ZNF627: variants seen among roughly 807,000 people sequenced by gnomAD.
ZNF627 encodes the protein zinc finger protein 627.
In ZNF627, 12 loss-of-function variants were observed where a neutral mutation model predicts 10.6. The ratio of observed to expected loss-of-function variants is 1.13; its 90% confidence interval spans 0.73 to 1.84. The LOEUF (loss-of-function observed/expected upper bound fraction) is 1.84, where lower values mean the gene tolerates loss of function less well. ZNF627 is among the 40% of genes most tolerant of loss of function. The probability of loss-of-function intolerance (pLI) is 0.00; values close to 1 mark genes in which losing one functional copy is unlikely to be tolerated. For synonymous variants in ZNF627, 176 were observed against 187.1 expected (o/e 0.94, Z 0.48); for missense variants, 504 against 568.4 (o/e 0.89, Z 1.15).
chr19:11,613,992 G>A (rs1973823460), intron 1 of ZNF627, among the ~76,000 whole-genome samples: 1 of 143,826 alleles, frequency 7.0e-6, no homozygotes, highest in Admixed American at 7.4e-5. Context: ...TGCAATCTCA[G>A]CTCACTGCAA....
chr19:11,612,570 C>A (rs962375627), intron 1 of ZNF627, among the ~76,000 whole-genome samples: 2 of 151,650 alleles, frequency 1.3e-5, no homozygotes, highest in Non-Finnish European at 2.9e-5. Flanking sequence ...TACACCAGCC[C>A]ACCACGCCCG....
At chr19:11,600,158 T>C (rs1024149714) in intron 1 of ZNF627, among the ~76,000 whole-genome samples, 8 of 151,998 alleles carry the variant, frequency 5.3e-5, no homozygotes, top group Admixed American at 2.6e-4. Context: ...TTATTACTTA[T>C]GGCTGGGCGC....
At chr19:11,599,632 G>A (rs1057341324) in intron 1 of ZNF627, among the ~76,000 whole-genome samples, 3 of 152,108 alleles carry the variant, frequency 2.0e-5, no homozygotes, top group South Asian at 2.1e-4. Context: ...TAGGCCGGGC[G>A]CGGTGGCTCA....
At position 11,618,407 on chromosome 19, in the gene ZNF627, G is replaced by A. The variant is rs1292794776; in HGVS notation, c.*518G>A. 1 of 153,118 alleles carries A rather than the reference G, an allele frequency of 6.5e-6. No individual in the cohort carries two copies. Among genetic ancestry groups the A allele is most frequent in the Non-Finnish European group, 1.5e-5 (1 of 68,848 alleles). The allele number at this position is 153,118 out of a possible 1,614,324, so 9.5% of individuals were successfully genotyped here. The stretch of plus-strand genomic sequence containing the variant: ...TGCATTGAATATCCATCCACACTTT[G>A]GTTTTCCTTCAGACATTATTATGTC... On this transcript the variant is annotated 3_prime_UTR_variant, in exon 4 of 4. Transcript: ENST00000361113.
At chr19:11,610,843 C>T (rs1384685011) in intron 1 of ZNF627, among the ~76,000 whole-genome samples, 2 of 152,214 alleles carry the variant, frequency 1.3e-5, no homozygotes, top group East Asian at 3.9e-4. Flanking sequence ...TCACTGAACT[C>T]TTTGTTGAAA....
intron 1 of ZNF627, among the ~76,000 whole-genome samples, chr19:11,602,954 T>C (rs1005841156): frequency 4.6e-5 from 7 of 152,202 alleles, no homozygotes; most frequent in African/African-American, 1.7e-4. Flanking sequence ...GTCCTGATCT[T>C]GTCTCCCGTC....
At chr19:11,603,284 C>CTTTT (rs34132887) in intron 1 of ZNF627, among the ~76,000 whole-genome samples, 42 of 119,952 alleles carry the variant, frequency 3.5e-4, no homozygotes, top group Middle Eastern at 4.2e-3. Context: ...TATTCTTAGC[C>CTTTT]TTTTTTTTTT....
Position 11,607,904 on chromosome 19 carries a change from G to C in ZNF627, c.4-6623G>C, listed in dbSNP as rs368388629. 1.8e-4 allele frequency among the ~76,000 whole-genome samples: 28 copies of C among 152,056 alleles called. 1 individual carries two copies. Among genetic ancestry groups the C allele is most frequent in the East Asian group, 1.7e-3 (9 of 5,200 alleles). ...TTCCAAAGTTGCTTCCACATTTTCAGGTATCTTTACGGCAGAGCACCCCGC... is the reference window on the plus strand; with the variant it reads ...TTCCAAAGTTGCTTCCACATTTTCACGTATCTTTACGGCAGAGCACCCCGC... On this transcript the variant is annotated intron_variant, in intron 1 of 3. Transcript: ENST00000361113.
intron 1 of ZNF627, 43 bp downstream of exon 1, chr19:11,597,673 C>G (rs1973513160): frequency 2.3e-6 from 3 of 1,333,086 alleles, no homozygotes; most frequent in Non-Finnish European, 2.9e-6. Context: ...GGGGGAGGGG[C>G]TGGTTGGAAC....
At chr19:11,616,349 A>C (rs1239579681) in intron 3 of ZNF627, among the ~76,000 whole-genome samples, 1 of 152,148 alleles carries the variant, frequency 6.6e-6, no homozygotes, top group Non-Finnish European at 1.5e-5. Flanking sequence ...TCTGGCCATG[A>C]ATATCATTTT....
chr19:11,612,961 A>G (rs1356119271), intron 1 of ZNF627, among the ~76,000 whole-genome samples: 1 of 151,010 alleles, frequency 6.6e-6, no homozygotes, highest in Non-Finnish European at 1.5e-5. Flanking sequence ...TGTTGTTCTC[A>G]TCTTTGTACT....
chr19:11,603,118 T>A (rs9973303), intron 1 of ZNF627, among the ~76,000 whole-genome samples: 5 of 151,816 alleles, frequency 3.3e-5, no homozygotes, highest in Admixed American at 6.6e-5. Context: ...GAGTTTTTTT[T>A]TGGTTTCTTT....
chr19:11,616,142 A>G (rs545833632), intron 3 of ZNF627, among the ~76,000 whole-genome samples: 164 of 151,060 alleles, frequency 1.1e-3, no homozygotes, highest in African/African-American at 3.6e-3. Context: ...GGTTCAAGCA[A>G]TTCTCCTGCC....
At chr19:11,614,307 G>A (rs1973829311) in intron 1 of ZNF627, among the ~76,000 whole-genome samples, 1 of 152,220 alleles carries the variant, frequency 6.6e-6, no homozygotes, top group African/African-American at 2.4e-5. Context: ...TCTCCCACCA[G>A]AGAGGCATGC....
intron 1 of ZNF627, among the ~76,000 whole-genome samples, chr19:11,605,548 TAAAGGTGGGGG>T (rs998186385): frequency 8.6e-5 from 13 of 151,890 alleles, no homozygotes; most frequent in Non-Finnish European, 2.9e-5. Context: ...AAGTGCAGAC[TAAAGGTGGGGG>T]AAAGGTGGGG....
chr19:11,601,537 A>G (rs2145122487), intron 1 of ZNF627, among the ~76,000 whole-genome samples: 1 of 152,206 alleles, frequency 6.6e-6, no homozygotes, highest in South Asian at 2.1e-4. Flanking sequence ...TAAGAGAGAC[A>G]GGACGTTGTT....
intron 3 of ZNF627, among the ~76,000 whole-genome samples, chr19:11,615,926 C>T (rs1194490510): frequency 3.9e-4 from 59 of 150,586 alleles, no homozygotes; most frequent in Non-Finnish European, 7.5e-4. Flanking sequence ...ACCATGTTGG[C>T]CAGGCTGGTC....
rs187744906 is a variant in ZNF627 at position 11,614,141 on chromosome 19, C to T, written c.4-386C>T. On this transcript the variant is annotated intron_variant, in intron 1 of 3. Coordinates refer to ENST00000361113, the MANE Select transcript of ZNF627 (RefSeq NM_145295.4). ...TTCACCTTGTTAGCCAGGATGGTCT[C>T]GATCTCTTGACCTCGTGATCCACCC... Among the ~76,000 whole-genome samples the T allele has an allele frequency of 4.0e-5, 6 of 151,726 alleles. No individual in the cohort carries two copies. In the East Asian group the frequency reaches 5.8e-4, roughly 15 times the overall value.
At chr19:11,613,954 C>T (rs901626705) in intron 1 of ZNF627, among the ~76,000 whole-genome samples, 2 of 140,550 alleles carry the variant, frequency 1.4e-5, no homozygotes, top group Non-Finnish European at 3.0e-5. Flanking sequence ...CGGAGTCTTG[C>T]CCTGTCACCC....
Sources: gnomAD v4.1 joint callset for allele counts (sites outside exome capture counted in the v4.1 genomes callset) on GRCh38, gnomAD v4.1.1 for gene constraint, MANE v1.5 for transcripts, NCBI Gene and HGNC (gene_info 2026-07-23, HGNC 2026-07-21) for gene names.